The following COX16 variants were observed in gnomAD, a reference collection of about 807,000 sequenced individuals.
The protein encoded by COX16 is cytochrome c oxidase assembly factor COX16.
A neutral mutation model predicts 15.4 loss-of-function variants in COX16; 12 were observed. That is an observed-to-expected ratio of 0.78 (90% CI 0.50 to 1.26). The LOEUF (loss-of-function observed/expected upper bound fraction) is 1.26. Ranked by LOEUF, COX16 falls within the 50% of genes most tolerant of loss-of-function variation. COX16 has a pLI of 0.00. For missense variants in COX16, 124 were observed against 127.6 expected, an observed-to-expected ratio of 0.97 and a Z score of 0.14; for synonymous variants, 46 against 41.1, an observed-to-expected ratio of 1.12 and a Z score of -0.46.
intron 1 of COX16, among the ~76,000 whole-genome samples, chr14:70,347,640 G>T (rs1473838306): frequency 6.6e-6 from 1 of 152,044 alleles, no homozygotes; most frequent in Non-Finnish European, 1.5e-5. Flanking sequence ...AGACTGCAAC[G>T]CCCATGCTAT....
At chr14:70,329,058 T>TA in intron 3 of COX16, 116 bp downstream of exon 3, 1 of 722,250 alleles carries the variant, frequency 1.4e-6, no homozygotes, top group South Asian at 3.1e-5. Flanking sequence ...ATGATTATAG[T>TA]TTATCAAATA....
chr14:70,350,399 C>G (rs1196887582), intron 1 of COX16, among the ~76,000 whole-genome samples: 1 of 152,104 alleles, frequency 6.6e-6, no homozygotes, highest in Non-Finnish European at 1.5e-5. Flanking sequence ...CACCCAGGCG[C>G]TCATTAAAAC....
intron 2 of COX16, among the ~76,000 whole-genome samples, chr14:70,331,221 T>C (rs546474352): frequency 3.3e-4 from 50 of 152,162 alleles, no homozygotes; most frequent in Non-Finnish European, 6.6e-4. Context: ...TTGGCTAGGA[T>C]GGTCTTGATC....
At chr14:70,338,762 G>A (rs1886536151) in intron 2 of COX16, among the ~76,000 whole-genome samples, 1 of 152,174 alleles carries the variant, frequency 6.6e-6, no homozygotes, top group Non-Finnish European at 1.5e-5. Flanking sequence ...GTATTTTGGG[G>A]AGATGAGTAA....
chr14:70,353,439 CATAT>C lies in COX16; in HGVS notation c.69+6076_69+6079del, dbSNP rs372100126. On this transcript the variant is annotated intron_variant, in intron 1 of 3. Transcript: ENST00000389912. ...ATATATATACACACACATATACACA[CATAT>C]ATATACACACATATATAAATATATA... Among the ~76,000 whole-genome samples, 26 of 146,832 alleles carry C rather than the reference CATAT, an allele frequency of 1.8e-4. No homozygotes were observed. The East Asian group carries it at 4.3e-3, about 24-fold the overall frequency.
intron 3 of COX16, 106 bp from the exon 4 acceptor site, chr14:70,326,555 G>A (rs999568513): frequency 8.5e-6 from 6 of 709,346 alleles, no homozygotes; most frequent in African/African-American, 3.7e-5. Flanking sequence ...GTATCCGATA[G>A]GTCCTCGATT....
intron 2 of COX16, among the ~76,000 whole-genome samples, chr14:70,330,866 AT>A (rs1223423128): frequency 1.3e-5 from 2 of 152,244 alleles, no homozygotes; most frequent in African/African-American, 4.8e-5. Flanking sequence ...AAAGAAAAAA[AT>A]CAATTCCACA....
At chr14:70,334,390 G>A (rs1024576920) in intron 2 of COX16, among the ~76,000 whole-genome samples, 1 of 152,140 alleles carries the variant, frequency 6.6e-6, no homozygotes, top group Non-Finnish European at 1.5e-5. Context: ...GGTTGTGGTG[G>A]TGCGCACCTG....
At chr14:70,358,585 T>G (rs1011025979) in intron 1 of COX16, among the ~76,000 whole-genome samples, 6 of 152,076 alleles carry the variant, frequency 3.9e-5, no homozygotes, top group South Asian at 2.1e-4. Context: ...GTGTAAAATA[T>G]CCATTACCTT....
At chr14:70,353,944 T>C (rs1164610682) in intron 1 of COX16, among the ~76,000 whole-genome samples, 1 of 152,106 alleles carries the variant, frequency 6.6e-6, no homozygotes, top group African/African-American at 2.4e-5. Flanking sequence ...TGAATTTCAT[T>C]TTTTTTCCCA....
intron 1 of COX16, among the ~76,000 whole-genome samples, chr14:70,348,957 T>G (rs529638510): frequency 2.6e-5 from 4 of 152,308 alleles, no homozygotes; most frequent in African/African-American, 9.6e-5. Flanking sequence ...TTTCTGTCCC[T>G]GTCCTTGTTC....
Position 70,326,279 on chromosome 14 carries a change from AGTT to A in COX16, c.*51_*53del. The stretch of plus-strand genomic sequence containing the variant: ...GATAGAAGTATATATTAGGAAGTCC[AGTT>A]AATAATATTTTTATTTAAAAAAAAA... On this transcript the variant is annotated 3_prime_UTR_variant, in exon 4 of 4. Coordinates refer to ENST00000389912, the MANE Select transcript of COX16 (RefSeq NM_016468.7). 7.4e-7 allele frequency: 1 copy of A among 1,347,870 alleles called. No homozygotes were observed. The allele number at this position is 1,347,870 out of a possible 1,614,324, so 83.5% of individuals were successfully genotyped here.
At chr14:70,359,401 C>G in intron 1 of COX16, 118 bp downstream of exon 1, 1 of 902,912 alleles carries the variant, frequency 1.1e-6, no homozygotes, top group East Asian at 2.6e-5. Context: ...GTCGCTAGCT[C>G]CTTCCTAGCC....
chr14:70,331,962 A>G (rs1228439768), intron 2 of COX16, among the ~76,000 whole-genome samples: 4 of 152,178 alleles, frequency 2.6e-5, no homozygotes, highest in African/African-American at 9.7e-5. Context: ...GATGGAGCCA[A>G]AGACCTAGGA....
At chr14:70,359,322 G>C (rs766646987) in intron 1 of COX16, 197 bp downstream of exon 1, 3 of 659,546 alleles carry the variant, frequency 4.5e-6, no homozygotes, top group South Asian at 4.5e-5. Context: ...CCGGGAGTGG[G>C]GGACAGCGGC....
chr14:70,357,506 G>T (rs549977597), intron 1 of COX16, among the ~76,000 whole-genome samples: 1 of 152,252 alleles, frequency 6.6e-6, no homozygotes, highest in South Asian at 2.1e-4. Context: ...GACAAAGACT[G>T]GCAGATTTGT....
At chr14:70,352,388 T>C (rs1886981503) in intron 1 of COX16, among the ~76,000 whole-genome samples, 1 of 152,036 alleles carries the variant, frequency 6.6e-6, no homozygotes, top group South Asian at 2.1e-4. Flanking sequence ...GGTTTCACCA[T>C]GTTGCCCAGG....
intron 1 of COX16, among the ~76,000 whole-genome samples, chr14:70,353,399 T>C (rs1279846945): frequency 6.7e-6 from 1 of 148,882 alleles, no homozygotes. Context: ...TAATTTTATA[T>C]ATATATACAT....
At chr14:70,359,410 C>A in intron 1 of COX16, 109 bp downstream of exon 1, 1 of 998,930 alleles carries the variant, frequency 1.0e-6, no homozygotes, top group Non-Finnish European at 1.6e-6. Context: ...TCCTTCCTAG[C>A]CCGAGTGCCA....
Sources: gnomAD v4.1 joint callset for allele counts (sites outside exome capture counted in the v4.1 genomes callset) on GRCh38, gnomAD v4.1.1 for gene constraint, MANE v1.5 for transcripts, NCBI Gene and HGNC (gene_info 2026-07-23, HGNC 2026-07-21) for gene names.